The following APCDD1L variants were observed in gnomAD, a reference collection of about 807,000 sequenced individuals.
APCDD1L encodes protein APCDD1-like.
In APCDD1L, 21 loss-of-function variants were observed where a neutral mutation model predicts 24.2. The observed-to-expected ratio is 0.87, with a 90% confidence interval of 0.61 to 1.25. The LOEUF is 1.25. APCDD1L is among the 50% of genes most tolerant of loss of function. The pLI is 0.00. For missense variants in APCDD1L, 704 were observed against 711.7 expected, an observed-to-expected ratio of 0.99 and a Z score of 0.12; for synonymous variants, 321 against 323.6, an observed-to-expected ratio of 0.99 and a Z score of 0.09.
rs1333292338 is a variant in APCDD1L at position 58,461,168 on chromosome 20, T to A, written c.1128A>T (p.Pro376=). 4 of 1,613,058 alleles carry A rather than the reference T, an allele frequency of 2.5e-6. No homozygotes were observed. The highest frequency in any genetic ancestry group is 3.4e-6 in the Non-Finnish European group (4 of 1,179,414). The change falls in exon 4 of 4, where the codon CCA becomes CCT. Residue 376 remains proline, a synonymous_variant. Transcript: ENST00000371149. The surrounding 1 kb of genome is among the most constrained non-coding windows in gnomAD (Gnocchi z 6.0). ...VTTAMLNFSE[P]SSCGGAGAWS... ...AGGCCCCCGCACCCCCACAGCTGCT[T>A]GGCTCAGAGAAGTTGAGCATGGCCG...
chr20:58,498,797 A>G (rs1323331250), intron 1 of APCDD1L, among the ~76,000 whole-genome samples: 1 of 152,218 alleles, frequency 6.6e-6, no homozygotes, highest in East Asian at 1.9e-4. Context: ...CTCCTCTGTC[A>G]TTGGAGACAC....
intron 1 of APCDD1L, among the ~76,000 whole-genome samples, chr20:58,479,537 C>T (rs1348732697): frequency 3.3e-5 from 5 of 151,462 alleles, no homozygotes; most frequent in African/African-American, 1.2e-4. Context: ...AGCTTTAGCC[C>T]AAACAGTCCC....
In APCDD1L at chr20:58,494,565, C is replaced by T. The variant is rs187666966; in HGVS notation, c.49+20094G>A. 2.7e-3 allele frequency among the ~76,000 whole-genome samples: 406 copies of T among 151,996 alleles called. 1 individual carries two copies. The highest frequency in any genetic ancestry group is 4.4e-3 in the Non-Finnish European group (299 of 67,988). ...ATGTTGCCCAATCTGGTCTCAAACT[C>T]CTGGGCTCAGTGATCCTCTTGCCTC... On this transcript the variant is annotated intron_variant, in intron 1 of 3. Transcript: ENST00000371149. This position sits in a 1 kb window ranked among gnomAD's most constrained non-coding sequence, Gnocchi z 4.8.
Position 58,461,493 on chromosome 20 carries a change from G to A in APCDD1L, c.803C>T (p.Pro268Leu). The A allele has an allele frequency of 6.8e-7, 1 of 1,464,458 alleles. No individual in the cohort carries two copies. The highest frequency in any genetic ancestry group is 9.0e-7 in the Non-Finnish European group (1 of 1,105,220). 90.7% of individuals were successfully genotyped at this position (1,464,458 alleles called of 1,614,324 possible). Residue 268 changes from proline (P) to leucine (L), a missense_variant, in exon 4 of 4, where the codon CCC (proline) becomes CTC (leucine). Transcript: ENST00000371149. This position sits in a 1 kb window ranked among gnomAD's most constrained non-coding sequence, Gnocchi z 6.0. ...CAGGGCCAGAGGGGGCGGCAGCACGGGCGGGTGGTGCACATCGGAGCGGGC... is the reference window on the plus strand; with the variant it reads ...CAGGGCCAGAGGGGGCGGCAGCACGAGCGGGTGGTGCACATCGGAGCGGGC... ...LIARSDVHHP[P>L]VLPPPLALPL...
chr20:58,461,478 G>A lies in APCDD1L; in HGVS notation c.818C>T (p.Pro273Leu), dbSNP rs778592649. Residue 273 changes from proline (P) to leucine (L), a missense_variant, in exon 4 of 4, where the codon CCT becomes CTT. By Grantham distance (98) the Pro-to-Leu change is moderately conservative. Transcript: ENST00000371149. This position sits in a 1 kb window ranked among gnomAD's most constrained non-coding sequence, Gnocchi z 6.0. ...DVHHPPVLPP[P>L]LALPLHLGGW... ...GCCCAGGTGCAGGGGCAGGGCCAGAGGGGGCGGCAGCACGGGCGGGTGGTG... is the reference window on the plus strand; with the variant it reads ...GCCCAGGTGCAGGGGCAGGGCCAGAAGGGGCGGCAGCACGGGCGGGTGGTG... The A allele has an allele frequency of 3.4e-6, 5 of 1,477,070 alleles. No homozygotes were observed. The African/African-American group carries it at 5.6e-5, about 17-fold the overall frequency. 91.5% of individuals were successfully genotyped at this position (1,477,070 alleles called of 1,614,324 possible). A position where few individuals can be genotyped will look rare whatever the true frequency, so the allele number is the denominator to read the frequency against.
rs766287299 is a variant in APCDD1L, at chr20:58,461,297, G to A, written c.999C>T (p.Ala333=). Residue 333 remains alanine, a synonymous_variant, in exon 4 of 4, where the codon GCC becomes GCT. Transcript: ENST00000371149. This position sits in a 1 kb window ranked among gnomAD's most constrained non-coding sequence, Gnocchi z 6.0. ...ATGGCGTGCCCCTGGTGTAGCGGCCGGCGGCATACACGGTGAAGGTGGGCT... is the reference window on the plus strand; with the variant it reads ...ATGGCGTGCCCCTGGTGTAGCGGCCAGCGGCATACACGGTGAAGGTGGGCT... The part of the protein sequence containing the change: ...CRQPTFTVYA[A]GRYTRGTPST... The A allele has an allele frequency of 2.5e-5, 41 of 1,610,836 alleles. No individual in the cohort carries two copies. The highest frequency in any genetic ancestry group is 1.3e-4 in the Admixed American group (8 of 59,888).
intron 1 of APCDD1L, among the ~76,000 whole-genome samples, chr20:58,496,899 G>A (rs1320004255): frequency 2.6e-5 from 4 of 152,212 alleles, no homozygotes; most frequent in African/African-American, 4.8e-5. Flanking sequence ...GACCCCCTAC[G>A]AGCGGCACTG....
At chr20:58,499,076 C>T (rs1296851816) in intron 1 of APCDD1L, among the ~76,000 whole-genome samples, 1 of 152,176 alleles carries the variant, frequency 6.6e-6, no homozygotes, top group South Asian at 2.1e-4. Context: ...TTTTCTTCTG[C>T]GGGAGGGACA....
chr20:58,468,019 C>T (rs1030714810), intron 2 of APCDD1L, among the ~76,000 whole-genome samples: 2 of 152,144 alleles, frequency 1.3e-5, no homozygotes, highest in African/African-American at 2.4e-5. Context: ...GCCCAGAGCC[C>T]GCCCCACTCC....
chr20:58,466,610 G>A (rs1309789947), intron 3 of APCDD1L, among the ~76,000 whole-genome samples: 2 of 152,246 alleles, frequency 1.3e-5, no homozygotes, highest in African/African-American at 4.8e-5. Context: ...CTAGGTGCCC[G>A]CTGTGGCCCC....
chr20:58,468,136 T>C (rs909383707), intron 2 of APCDD1L, among the ~76,000 whole-genome samples: 4 of 152,100 alleles, frequency 2.6e-5, no homozygotes, highest in Non-Finnish European at 4.4e-5. Context: ...CTTGAAGATA[T>C]AAACCAGGAG....
chr20:58,480,630 C>T (rs557422679), intron 1 of APCDD1L, among the ~76,000 whole-genome samples: 5 of 152,310 alleles, frequency 3.3e-5, no homozygotes, highest in African/African-American at 1.2e-4. Context: ...TGCTTAGCCA[C>T]TCCTGCTGAG....
chr20:58,514,786 G>T lies in APCDD1L; in HGVS notation c.-79C>A. The T allele has an allele frequency of 1.7e-6, 2 of 1,172,828 alleles. No homozygotes were observed. Among genetic ancestry groups the T allele is most frequent in the East Asian group, 6.4e-5 (2 of 31,076 alleles). 72.7% of individuals were successfully genotyped at this position (1,172,828 alleles called of 1,614,324 possible). ...AGGCGCGGGCGCAGGGCTCTCGGAC[G>T]GCTGCGGGCGCCGGCGGCCAGGCTG... On this transcript the variant is annotated 5_prime_UTR_variant, in exon 1 of 4. Coordinates refer to ENST00000371149, the MANE Select transcript of APCDD1L (RefSeq NM_153360.3).
intron 1 of APCDD1L, among the ~76,000 whole-genome samples, chr20:58,496,395 C>T (rs978752526): frequency 5.3e-5 from 8 of 152,242 alleles, no homozygotes; most frequent in South Asian, 2.1e-4. Flanking sequence ...TGACGCCTGC[C>T]CCCAGGCCAG....
At chr20:58,503,107 G>T (rs1368958383) in intron 1 of APCDD1L, among the ~76,000 whole-genome samples, 1 of 152,182 alleles carries the variant, frequency 6.6e-6, no homozygotes. Flanking sequence ...TCCCTGAAAG[G>T]TTGGGGGTGG....
At chr20:58,466,968 T>A in intron 3 of APCDD1L, 138 bp downstream of exon 3, 1 of 1,079,920 alleles carries the variant, frequency 9.3e-7, no homozygotes, top group South Asian at 1.7e-5. Flanking sequence ...CGGACCAGAG[T>A]GGGGAGGGGC....
intron 1 of APCDD1L, among the ~76,000 whole-genome samples, chr20:58,510,179 G>A (rs1344008334): frequency 6.6e-6 from 1 of 152,132 alleles, no homozygotes; most frequent in African/African-American, 2.4e-5. Flanking sequence ...GTAATTAGTT[G>A]CTCATTTAAG....
intron 1 of APCDD1L, among the ~76,000 whole-genome samples, chr20:58,472,137 G>A (rs941021280): frequency 2.0e-5 from 3 of 152,174 alleles, no homozygotes; most frequent in African/African-American, 4.8e-5. Context: ...AGGCAGAGTG[G>A]ATTCCTCAGT....
Position 58,461,567 on chromosome 20 carries a change from A to C in APCDD1L, c.742-13T>G. The C allele has an allele frequency of 7.1e-7, 1 of 1,411,346 alleles. No individual in the cohort carries two copies. Among genetic ancestry groups the C allele is most frequent in the East Asian group, 2.6e-5 (1 of 39,190 alleles). 87.4% of individuals were successfully genotyped at this position (1,411,346 alleles called of 1,614,324 possible). A position where few individuals can be genotyped will look rare whatever the true frequency, so the allele number is the denominator to read the frequency against. On this transcript the variant is annotated splice_polypyrimidine_tract_variant and intron_variant, in intron 3 of 3. Coordinates refer to ENST00000371149, the MANE Select transcript of APCDD1L (RefSeq NM_153360.3). The surrounding 1 kb of genome is among the most constrained non-coding windows in gnomAD (Gnocchi z 6.0). ...GCTGCACGTGGTGCTGGCAAAAGAC[A>C]AACAGAAAAACGGTGGTTGTCCCAC...
Sources: gnomAD v4.1 joint callset for allele counts (sites outside exome capture counted in the v4.1 genomes callset) on GRCh38, gnomAD v4.1.1 for gene constraint, Gnocchi (gnomAD v3.1) non-coding constraint, MANE v1.5 for transcripts, NCBI Gene and HGNC (gene_info 2026-07-23, HGNC 2026-07-21) for gene names.